The following CRIM1 variants were observed in gnomAD, a reference collection of about 807,000 sequenced individuals.
CRIM1 encodes cysteine rich transmembrane BMP regulator 1.
CRIM1 carries 32 observed loss-of-function variants against 116.4 expected under a neutral mutation model. The observed-to-expected ratio is 0.27, with a 90% CI of 0.21 to 0.37. CRIM1 has a LOEUF of 0.37. Among genes scored for constraint, CRIM1 ranks in the 10% least tolerant of loss-of-function variants. The pLI is 1.00. For synonymous variants in CRIM1, 590 were observed against 509.2 expected (o/e 1.16, Z -2.13); for missense variants, 1,331 against 1,354.8 (o/e 0.98, Z 0.28).
chr2:36,414,881 G>A (rs1158321604), intron 2 of CRIM1, among the ~76,000 whole-genome samples: 1 of 152,202 alleles, frequency 6.6e-6, no homozygotes, highest in Admixed American at 6.5e-5. Flanking sequence ...TTTATTCTAA[G>A]TATAATAGGA....
At chr2:36,444,312 A>T (rs1335152883) in intron 4 of CRIM1, among the ~76,000 whole-genome samples, 2 of 152,238 alleles carry the variant, frequency 1.3e-5, no homozygotes, top group African/African-American at 4.8e-5. Flanking sequence ...CAATTTAAGA[A>T]GAAACTTTCC....
At chr2:36,465,549 C>A (rs574547396) in intron 5 of CRIM1, among the ~76,000 whole-genome samples, 1 of 152,222 alleles carries the variant, frequency 6.6e-6, no homozygotes. Flanking sequence ...CTCCTGCCCT[C>A]CCAAGGCAAG....
intron 2 of CRIM1, among the ~76,000 whole-genome samples, chr2:36,432,799 A>C (rs1234816532): frequency 6.6e-6 from 1 of 152,022 alleles, no homozygotes; most frequent in African/African-American, 2.4e-5. Context: ...GTAAAAAAAA[A>C]TATATACCGA....
chr2:36,510,379 A>G (rs1185814036), intron 9 of CRIM1, among the ~76,000 whole-genome samples: 1 of 152,166 alleles, frequency 6.6e-6, no homozygotes, highest in Non-Finnish European at 1.5e-5. Context: ...TGTGCCTGTT[A>G]TATGAGACTT....
chr2:36,409,890 A>G (rs535929738), intron 2 of CRIM1, among the ~76,000 whole-genome samples: 1 of 152,186 alleles, frequency 6.6e-6, no homozygotes, highest in Non-Finnish European at 1.5e-5. Flanking sequence ...CACTAAGCAT[A>G]CTGTTCTGGG....
At position 36,513,653 on chromosome 2, in the gene CRIM1, C is replaced by T. The variant is rs1029761202; in HGVS notation, c.1878C>T (p.Cys626=). 9 of 1,614,058 alleles carry T rather than the reference C, an allele frequency of 5.6e-6. No homozygotes were observed. The highest frequency in any genetic ancestry group is 2.7e-5 in the African/African-American group (2 of 74,922). Residue 626 remains cysteine (C), a synonymous_variant, in exon 11 of 17, where the codon TGC becomes TGT. Coordinates refer to ENST00000280527, the MANE Select transcript of CRIM1 (RefSeq NM_016441.3). ...ATGAGGAGAGCTGGCACGATGGGTG[C>T]CGGGAATGCTACTGTCTCAATGGAC... The part of the protein sequence containing the change: ...HKNEESWHDG[C]RECYCLNGRE...
At chr2:36,498,043 C>T (rs1276154353) in intron 7 of CRIM1, among the ~76,000 whole-genome samples, 1 of 152,188 alleles carries the variant, frequency 6.6e-6, no homozygotes, top group African/African-American at 2.4e-5. Context: ...TATTTTCCAT[C>T]TGCGAAAATG....
chr2:36,513,654 C>T lies in CRIM1; in HGVS notation c.1879C>T (p.Arg627Trp), dbSNP rs951475238. 14 of 1,614,052 alleles carry T rather than the reference C, an allele frequency of 8.7e-6. No individual in the cohort carries two copies. The Admixed American group carries it at 1.3e-4, about 15-fold the overall frequency. ...TGAGGAGAGCTGGCACGATGGGTGC[C>T]GGGAATGCTACTGTCTCAATGGACG... ...KNEESWHDGCRECYCLNGREM... is the reference protein window; with the variant it reads ...KNEESWHDGCWECYCLNGREM... The change falls in exon 11 of 17, where the codon CGG becomes TGG. Residue 627 changes from arginine (R) to tryptophan (W), a missense_variant. Arg to Trp is a moderately radical substitution (Grantham distance 101). Transcript: ENST00000280527.
chr2:36,361,488 G>A (rs148361179), intron 1 of CRIM1, among the ~76,000 whole-genome samples: 42 of 152,278 alleles, frequency 2.8e-4, no homozygotes, highest in Non-Finnish European at 5.4e-4. Flanking sequence ...TGGGCATTAT[G>A]AAGTTGGGGG....
chr2:36,514,070 A>T (rs1664876221), intron 11 of CRIM1, among the ~76,000 whole-genome samples: 1 of 152,210 alleles, frequency 6.6e-6, no homozygotes, highest in South Asian at 2.1e-4. Flanking sequence ...CTTACATTCC[A>T]GCTCTCCATT....
At chr2:36,522,360 A>T (rs1456017321) in intron 13 of CRIM1, 47 bp downstream of exon 13, 1 of 1,416,772 alleles carries the variant, frequency 7.1e-7, no homozygotes. Flanking sequence ...AGTTGTCACT[A>T]AATCTGTATT....
chr2:36,413,672 G>C lies in CRIM1; in HGVS notation c.505+16885G>C, dbSNP rs184148095. On this transcript the variant is annotated intron_variant, in intron 2 of 16. Coordinates refer to ENST00000280527, the MANE Select transcript of CRIM1 (RefSeq NM_016441.3). ...GATATGTACTAAAAATGCAGTCAGC[G>C]ATCTCTTATTTTGAGCTCATTGGCT... 8.5e-5 allele frequency among the ~76,000 whole-genome samples: 13 copies of C among 152,272 alleles called. No homozygotes were observed. In the East Asian group the frequency reaches 1.9e-3, roughly 23 times the overall value.
At chr2:36,499,128 T>G in intron 7 of CRIM1, 91 bp from the exon 8 acceptor site, 1 of 950,028 alleles carries the variant, frequency 1.1e-6, no homozygotes, top group Non-Finnish European at 1.6e-6. Flanking sequence ...TTGATTTTTG[T>G]AACATTATGG....
chr2:36,502,011 T>C (rs1040421040), intron 8 of CRIM1, among the ~76,000 whole-genome samples: 5 of 152,240 alleles, frequency 3.3e-5, no homozygotes, highest in Non-Finnish European at 5.9e-5. Context: ...GCCTCTTACA[T>C]TAAGAAAGCT....
intron 10 of CRIM1, chr2:36,513,322 C>T (rs1009163081): frequency 1.2e-5 from 6 of 508,292 alleles, no homozygotes; most frequent in African/African-American, 3.8e-5. Context: ...AAAAAATCAG[C>T]GATCATCCCA....
At chr2:36,369,728 G>T (rs1199299109) in intron 1 of CRIM1, among the ~76,000 whole-genome samples, 1 of 152,226 alleles carries the variant, frequency 6.6e-6, no homozygotes, top group African/African-American at 2.4e-5. Flanking sequence ...GTACAAGATT[G>T]TGGTAGATTT....
At chr2:36,407,804 T>A (rs1672924868) in intron 2 of CRIM1, among the ~76,000 whole-genome samples, 2 of 152,212 alleles carry the variant, frequency 1.3e-5, no homozygotes, top group South Asian at 2.1e-4. Flanking sequence ...ACACATTAGG[T>A]TACAAAAAGG....
intron 1 of CRIM1, among the ~76,000 whole-genome samples, chr2:36,384,698 C>A (rs1382113119): frequency 6.6e-6 from 1 of 152,032 alleles, no homozygotes; most frequent in East Asian, 1.9e-4. Context: ...TCCATTGTCC[C>A]CTAATTTATA....
At chr2:36,475,853 C>T (rs1053623040) in intron 5 of CRIM1, among the ~76,000 whole-genome samples, 11 of 152,076 alleles carry the variant, frequency 7.2e-5, no homozygotes, top group African/African-American at 2.7e-4. Context: ...GCTTTTTTTC[C>T]TTATTGTGTG....
Sources: gnomAD v4.1 joint callset for allele counts (sites outside exome capture counted in the v4.1 genomes callset) on GRCh38, gnomAD v4.1.1 for gene constraint, MANE v1.5 for transcripts, NCBI Gene and HGNC (gene_info 2026-07-23, HGNC 2026-07-21) for gene names.